Variants in ZNF892 observed in about 807,000 individuals in gnomAD.
ZNF892 encodes the protein zinc finger protein 892.
At chr2:95,253,278 A>G in the ZNF892 span, among the ~76,000 whole-genome samples, 1 of 152,162 alleles carries the variant, frequency 6.6e-6, no homozygotes, top group Non-Finnish European at 1.5e-5. Context: ...TAAGGAAGGG[A>G]TCCAGTTTCA....
At chr2:95,215,504 A>T in the ZNF892 span, 8 of 420,060 alleles carry the variant, frequency 1.9e-5, no homozygotes, top group Middle Eastern at 3.3e-4. Flanking sequence ...CCCTCTCTCA[A>T]CATCAGAAAA....
chr2:95,234,108 G>A, the ZNF892 span, among the ~76,000 whole-genome samples: 6 of 152,220 alleles, frequency 3.9e-5, no homozygotes, highest in Admixed American at 1.3e-4. Flanking sequence ...TGCAACCTCC[G>A]CCTCCCAGGT....
the ZNF892 span, among the ~76,000 whole-genome samples, chr2:95,257,838 A>G: frequency 6.6e-6 from 1 of 152,284 alleles, no homozygotes; most frequent in African/African-American, 2.4e-5. Context: ...GCAATGAGCG[A>G]GGCTCCGTGG....
the ZNF892 span, among the ~76,000 whole-genome samples, chr2:95,231,088 T>C: frequency 6.6e-6 from 1 of 152,252 alleles, no homozygotes; most frequent in Non-Finnish European, 1.5e-5. Flanking sequence ...CCTGGATGTT[T>C]GCCCGAGAGA....
the ZNF892 span, among the ~76,000 whole-genome samples, chr2:95,257,509 C>T: frequency 3.9e-5 from 6 of 152,262 alleles, no homozygotes; most frequent in East Asian, 9.7e-4. Context: ...TTAGGCTACT[C>T]GGGGGTCACG....
the ZNF892 span, among the ~76,000 whole-genome samples, chr2:95,252,772 A>G: frequency 6.6e-6 from 1 of 152,134 alleles, no homozygotes; most frequent in East Asian, 1.9e-4. Flanking sequence ...TTTAATGATC[A>G]CTATTCTAAC....
the ZNF892 span, among the ~76,000 whole-genome samples, chr2:95,249,229 ATATT>A: frequency 2.3e-3 from 159 of 70,506 alleles, 1 homozygote; most frequent in South Asian, 8.6e-3. Context: ...ATATATATAT[ATATT>A]TTTTTTTTTT....
At chr2:95,207,428 AG>A in the ZNF892 span, 1 of 168,890 alleles carries the variant, frequency 5.9e-6, no homozygotes, top group African/African-American at 2.4e-5. Flanking sequence ...CAAGAAACGC[AG>A]CCCCGGGAGC....
At chr2:95,235,488 A>C in the ZNF892 span, among the ~76,000 whole-genome samples, 1 of 151,490 alleles carries the variant, frequency 6.6e-6, no homozygotes, top group Non-Finnish European at 1.5e-5. Context: ...CAGCCTCCTG[A>C]GTATCTGGGA....
chr2:95,235,288 C>A, the ZNF892 span, among the ~76,000 whole-genome samples: 1 of 151,890 alleles, frequency 6.6e-6, no homozygotes, highest in African/African-American at 2.4e-5. Flanking sequence ...ATGGAGACAG[C>A]AGTTGTAGTT....
At chr2:95,238,342 A>G in the ZNF892 span, among the ~76,000 whole-genome samples, 1 of 152,224 alleles carries the variant, frequency 6.6e-6, no homozygotes, top group African/African-American at 2.4e-5. Flanking sequence ...AAATGGAACA[A>G]CAAAGCCTGA....
chr2:95,244,378 GAA>G, the ZNF892 span, among the ~76,000 whole-genome samples: 2 of 148,304 alleles, frequency 1.3e-5, no homozygotes, highest in African/African-American at 5.0e-5. Context: ...GTGGAAAACA[GAA>G]AAAAGCAGGG....
chr2:95,221,929 CCTCT>C, the ZNF892 span, among the ~76,000 whole-genome samples: 1 of 152,056 alleles, frequency 6.6e-6, no homozygotes, highest in Non-Finnish European at 1.5e-5. Context: ...CTCCTCCCTC[CCTCT>C]CTCTTCCTCC....
At chr2:95,210,157 GTGTATATA>G in the ZNF892 span, among the ~76,000 whole-genome samples, 5 of 148,420 alleles carry the variant, frequency 3.4e-5, no homozygotes, top group African/African-American at 9.9e-5. Context: ...ATGTATATAT[GTGTATATA>G]TGTATATATG....
At chr2:95,236,455 A>G in the ZNF892 span, among the ~76,000 whole-genome samples, 22 of 152,368 alleles carry the variant, frequency 1.4e-4, no homozygotes, top group South Asian at 1.0e-3. Flanking sequence ...AAAAACTACA[A>G]TCATCTTCTT....
chr2:95,249,479 C>T, the ZNF892 span, among the ~76,000 whole-genome samples: 2 of 150,538 alleles, frequency 1.3e-5, no homozygotes, highest in African/African-American at 2.4e-5. Context: ...GAACTCCTGA[C>T]CTTGTGATCC....
At chr2:95,207,265 GT>G in the ZNF892 span, among the ~76,000 whole-genome samples, 2 of 152,222 alleles carry the variant, frequency 1.3e-5, no homozygotes, top group Admixed American at 1.3e-4. Flanking sequence ...CGCCCTCACA[GT>G]AGCGGAGATG....
chr2:95,210,127 A>G, the ZNF892 span, among the ~76,000 whole-genome samples: 178 of 149,598 alleles, frequency 1.2e-3, no homozygotes, highest in South Asian at 5.4e-3. Flanking sequence ...ATGTGTGTAT[A>G]TATGTGTATA....
At chr2:95,219,178 T>C in the ZNF892 span, among the ~76,000 whole-genome samples, 9 of 151,914 alleles carry the variant, frequency 5.9e-5, no homozygotes, top group African/African-American at 2.2e-4. Flanking sequence ...TTTTTTTTTT[T>C]TGTATTTTTA....
Sources: gnomAD v4.1 joint callset for allele counts (sites outside exome capture counted in the v4.1 genomes callset) on GRCh38, gnomAD v4.1.1 for gene constraint, MANE v1.5 for transcripts, NCBI Gene and HGNC (gene_info 2026-07-23, HGNC 2026-07-21) for gene names.